DDAH1: variants seen among roughly 807,000 people sequenced by gnomAD.
DDAH1 encodes dimethylarginine dimethylaminohydrolase 1, also known as N(G),N(G)-dimethylarginine dimethylaminohydrolase 1.
Under a neutral mutation model 28.8 loss-of-function variants are expected in DDAH1, and 19 were observed. The ratio of observed to expected loss-of-function variants is 0.66; its 90% CI spans 0.46 to 0.97. The LOEUF is 0.97. Among genes scored for constraint, DDAH1 ranks in the 50% least tolerant of loss-of-function variants. DDAH1 has a pLI of 0.00. For synonymous variants in DDAH1, 153 were observed against 154.4 expected (o/e 0.99, Z 0.07); for missense variants, 326 against 375.9 (o/e 0.87, Z 1.10).
chr1:85,544,795 A>T (rs968205169), intron 1 of DDAH1, among the ~76,000 whole-genome samples: 1 of 152,104 alleles, frequency 6.6e-6, no homozygotes, highest in Non-Finnish European at 1.5e-5. Context: ...ACACATTGCC[A>T]CACTATTTAC....
intron 1 of DDAH1, chr1:85,404,664 C>T (rs1046132030): frequency 2.7e-5 from 12 of 451,834 alleles, no homozygotes; most frequent in Non-Finnish European, 4.0e-5. Context: ...TTAAATTCCA[C>T]GTAATAGCTT....
chr1:85,532,532 C>A (rs1351453452), intron 1 of DDAH1, among the ~76,000 whole-genome samples: 2 of 151,908 alleles, frequency 1.3e-5, no homozygotes, highest in Non-Finnish European at 2.9e-5. Context: ...ATGGACCAGG[C>A]ACTCTGCCAT....
intron 1 of DDAH1, among the ~76,000 whole-genome samples, chr1:85,406,940 C>A (rs10747320): frequency 0.99 from 150,218 of 152,184 alleles, 74,170 homozygotes; most frequent in East Asian, 1. Context: ...GAGTATATTT[C>A]ATAAAATTTA....
chr1:85,410,214 G>A (rs1404923975), intron 1 of DDAH1, among the ~76,000 whole-genome samples: 1 of 152,178 alleles, frequency 6.6e-6, no homozygotes, highest in Non-Finnish European at 1.5e-5. Flanking sequence ...CTGGGAGGTG[G>A]AGACTGCAGT....
chr1:85,414,629 C>T (rs1364668916), intron 1 of DDAH1, among the ~76,000 whole-genome samples: 1 of 152,160 alleles, frequency 6.6e-6, no homozygotes, highest in Non-Finnish European at 1.5e-5. Flanking sequence ...GTTTCTCTTC[C>T]ACTTTCTAAG....
chr1:85,386,841 C>G (rs1164028877), intron 1 of DDAH1, among the ~76,000 whole-genome samples: 1 of 152,214 alleles, frequency 6.6e-6, no homozygotes, highest in Admixed American at 6.5e-5. Context: ...TAGGTGGAAG[C>G]TGCCAAGCCT....
At chr1:85,412,381 C>G (rs1342413198) in intron 1 of DDAH1, among the ~76,000 whole-genome samples, 2 of 152,212 alleles carry the variant, frequency 1.3e-5, no homozygotes, top group East Asian at 1.9e-4. Flanking sequence ...TCTAGCTAGT[C>G]CCTCATGGCA....
chr1:85,531,868 A>G (rs1658103125), intron 1 of DDAH1, among the ~76,000 whole-genome samples: 1 of 149,926 alleles, frequency 6.7e-6, no homozygotes, highest in African/African-American at 2.5e-5. Flanking sequence ...CAATCTGCTT[A>G]AAGTCACACA....
chr1:85,427,253 G>GT (rs762374334), intron 1 of DDAH1, among the ~76,000 whole-genome samples: 230 of 118,382 alleles, frequency 1.9e-3, no homozygotes, highest in Non-Finnish European at 3.2e-3. Flanking sequence ...TTTTGTTTTT[G>GT]TTTTTTTCCA....
At chr1:85,404,448 C>T in intron 1 of DDAH1, 1 of 1,531,580 alleles carries the variant, frequency 6.5e-7, no homozygotes, top group Non-Finnish European at 8.7e-7. Context: ...GCAATCTTTT[C>T]AACAGATTCC....
intron 4 of DDAH1, among the ~76,000 whole-genome samples, chr1:85,328,441 C>G (rs1222749659): frequency 2.0e-5 from 3 of 152,194 alleles, no homozygotes; most frequent in Non-Finnish European, 4.4e-5. Flanking sequence ...TGTGAAACTT[C>G]TAGACAATAG....
At position 85,541,136 on chromosome 1, in the gene DDAH1, G is replaced by C. The variant is rs1250492052; in HGVS notation, c.-123+36848C>G. ...TGTCACCACTATTCAGCCAAGAATT[G>C]AGATGTCGTGTTTCAAGAGACGTTC... On this transcript the variant is annotated intron_variant, in intron 1 of 6. Coordinates refer to the DDAH1 transcript ENST00000426972. Among the ~76,000 whole-genome samples, 3 of 152,092 alleles carry C rather than the reference G, an allele frequency of 2.0e-5. No individual in the cohort carries two copies. In the East Asian group the frequency reaches 5.8e-4, roughly 29 times the overall value.
chr1:85,518,826 C>A (rs1195384902), intron 1 of DDAH1, among the ~76,000 whole-genome samples: 7 of 152,188 alleles, frequency 4.6e-5, no homozygotes, highest in African/African-American at 1.7e-4. Context: ...AAGCCTCAGG[C>A]TCCTCATCTC....
intron 1 of DDAH1, among the ~76,000 whole-genome samples, chr1:85,568,741 T>C (rs1659374919): frequency 6.6e-6 from 1 of 152,114 alleles, no homozygotes; most frequent in Admixed American, 6.5e-5. Flanking sequence ...CAAAGCATAA[T>C]AAATTATATC....
At chr1:85,483,655 G>A (rs114275915) in intron 2 of DDAH1, among the ~76,000 whole-genome samples, 1,724 of 152,268 alleles carry the variant, frequency 0.011, 17 homozygotes, top group Non-Finnish European at 0.02. Flanking sequence ...GGACTATAAA[G>A]CTTCACATCA....
At chr1:85,406,869 T>C (rs868256828) in intron 1 of DDAH1, among the ~76,000 whole-genome samples, 1 of 152,054 alleles carries the variant, frequency 6.6e-6, no homozygotes, top group Non-Finnish European at 1.5e-5. Flanking sequence ...ATATTAAAGC[T>C]TTAAAATAAA....
chr1:85,537,849 TA>T (rs1658342944), intron 1 of DDAH1, among the ~76,000 whole-genome samples: 1 of 151,482 alleles, frequency 6.6e-6, no homozygotes, highest in African/African-American at 2.4e-5. Context: ...AAGTGCACTT[TA>T]AAAGTTATTA....
intron 1 of DDAH1, among the ~76,000 whole-genome samples, chr1:85,547,486 T>C (rs1658662675): frequency 2.6e-5 from 4 of 152,172 alleles, no homozygotes; most frequent in Admixed American, 2.6e-4. Context: ...TGCTTTTGCC[T>C]TCACAGGGCT....
In DDAH1 at chr1:85,350,408, T is replaced by C; in HGVS notation, c.597+7A>G. ...TACATTTAGAAGGAGCACAGTTTTGTATTTACCTTAAGGGCCTTCTGTGCA... is the reference window on the plus strand; with the variant it reads ...TACATTTAGAAGGAGCACAGTTTTGCATTTACCTTAAGGGCCTTCTGTGCA... On this transcript the variant is annotated splice_region_variant and intron_variant, in intron 4 of 5. Transcript: ENST00000284031. 1 of 1,612,058 alleles carries C rather than the reference T, an allele frequency of 6.2e-7. No homozygotes were observed.
Sources: allele counts gnomAD v4.1 joint callset (sites outside exome capture counted in the v4.1 genomes callset), GRCh38; gene constraint gnomAD v4.1.1; transcripts MANE v1.5; gene names NCBI Gene and HGNC (gene_info 2026-07-23, HGNC 2026-07-21).